The following ASNS variants were observed in gnomAD, a reference collection of about 807,000 sequenced individuals.
The protein encoded by ASNS is asparagine synthetase [glutamine-hydrolyzing].
ASNS carries 37 observed loss-of-function variants against 62.6 expected under a neutral mutation model. That is an observed-to-expected ratio of 0.59 (90% CI 0.45 to 0.78). The LOEUF is 0.78. Among genes scored for constraint, ASNS ranks in the 30% least tolerant of loss-of-function variants. The pLI, the probability that ASNS is intolerant of heterozygous loss-of-function variation, is 0.00. For synonymous variants in ASNS, 207 were observed against 237.9 expected (o/e 0.87, Z 1.19); for missense variants, 520 against 682.4 (o/e 0.76, Z 2.65).
chr7:97,876,021 TAA>T (rs1792431057), upstream of ASNS, among the ~76,000 whole-genome samples: 1 of 152,104 alleles, frequency 6.6e-6, no homozygotes, highest in South Asian at 2.1e-4. Flanking sequence ...CACGCCTGGC[TAA>T]GTTTTGTATT....
At chr7:97,857,813 G>T (rs1791527459) in intron 7 of ASNS, among the ~76,000 whole-genome samples, 1 of 151,588 alleles carries the variant, frequency 6.6e-6, no homozygotes, top group African/African-American at 2.4e-5. Context: ...TTGAGACAAG[G>T]TCTCACTCTG....
At chr7:97,920,188 G>A in the ASNS span, among the ~76,000 whole-genome samples, 1 of 152,082 alleles carries the variant, frequency 6.6e-6, no homozygotes, top group Non-Finnish European at 1.5e-5. Context: ...ATTTTTAGTA[G>A]AGACAGGTTT....
intron 1 of ASNS, among the ~76,000 whole-genome samples, chr7:97,871,491 T>C (rs1324762047): frequency 1.7e-5 from 2 of 120,644 alleles, no homozygotes; most frequent in Non-Finnish European, 3.5e-5. Context: ...CTATGAATCA[T>C]GATTTAAAAT....
In ASNS at chr7:97,851,857, T is replaced by C. The variant is rs1364178367; in HGVS notation, c.*402A>G. The C allele has an allele frequency of 1.5e-5, 3 of 198,124 alleles. No individual in the cohort carries two copies. The highest frequency in any genetic ancestry group is 2.6e-4 in the East Asian group (2 of 7,704). 12.3% of individuals were successfully genotyped at this position (198,124 alleles called of 1,614,324 possible). A position where few individuals can be genotyped will look rare whatever the true frequency, so the allele number is the denominator to read the frequency against. On this transcript the variant is annotated 3_prime_UTR_variant, in exon 13 of 13. Coordinates refer to ENST00000394308, the MANE Select transcript of ASNS (RefSeq NM_001673.5). ...TAGAAGATTCAAGTCTGAGTCTGCC[T>C]AGGCAGCTGTTAGGAATGTAGGCAG...
the ASNS span, among the ~76,000 whole-genome samples, chr7:97,920,157 C>T: frequency 6.6e-6 from 1 of 152,100 alleles, no homozygotes; most frequent in Admixed American, 6.5e-5. Context: ...ATAGGTGTCA[C>T]CATGGCCGGC....
the ASNS span, among the ~76,000 whole-genome samples, chr7:97,901,822 A>G: frequency 0.88 from 134,212 of 151,944 alleles, 59,346 homozygotes; most frequent in Middle Eastern, 0.93. Flanking sequence ...TACTAAAAAT[A>G]CAAAAATTAG....
chr7:97,878,665 C>A, the ASNS span, among the ~76,000 whole-genome samples: 1 of 152,164 alleles, frequency 6.6e-6, no homozygotes, highest in Non-Finnish European at 1.5e-5. Flanking sequence ...AATGGAAGAA[C>A]ATTCCATGCT....
chr7:97,868,849 C>T (rs867055166), intron 3 of ASNS, 59 bp downstream of exon 3: 4 of 1,593,730 alleles, frequency 2.5e-6, no homozygotes, highest in South Asian at 1.1e-5. Flanking sequence ...GTAACATCAT[C>T]GTAACCAACA....
At chr7:97,880,081 C>G in the ASNS span, among the ~76,000 whole-genome samples, 1 of 151,730 alleles carries the variant, frequency 6.6e-6, no homozygotes, top group Non-Finnish European at 1.5e-5. Context: ...GCCAGGACAT[C>G]GTGAGCTTTC....
intron 12 of ASNS, 51 bp from the exon 13 acceptor site, chr7:97,852,519 C>T (rs1584456056): frequency 1.9e-6 from 3 of 1,545,696 alleles, no homozygotes; most frequent in Non-Finnish European, 2.7e-6. Flanking sequence ...GCAGGAAATA[C>T]TTGTGTTTAG....
chr7:97,911,772 G>A, the ASNS span, among the ~76,000 whole-genome samples: 2 of 152,100 alleles, frequency 1.3e-5, no homozygotes, highest in African/African-American at 4.8e-5. Context: ...GGAATAAGGA[G>A]GGAGGGAAGC....
chr7:97,859,218 AAG>A lies in ASNS; in HGVS notation c.666_667del (p.Phe223SerfsTer4), dbSNP rs750420071. The A allele has an allele frequency of 1.9e-6, 3 of 1,601,110 alleles. No homozygotes were observed. In the East Asian group the frequency reaches 6.7e-5, roughly 36 times the overall value. ...GGTGGGTGGGTGTCTGCTACCTGGAAAGAGTTTCTCCACATTGTCATAGAGGG... is the reference window on the plus strand; with the variant it reads ...GGTGGGTGGGTGTCTGCTACCTGGAAAGTTTCTCCACATTGTCATAGAGGG... On this transcript the variant is annotated frameshift_variant, in exon 5 of 13. Transcript: ENST00000394308. LOFTEE classifies it high-confidence loss of function.
In ASNS at chr7:97,852,439, G is replaced by C. The variant is rs764468161; in HGVS notation, c.1506C>G (p.Ala502=). ...TAGGAGTATTGAAGGGAAATTTCTGGGCTGCATTTGCCATCATTGCATCAT... is the reference window on the plus strand; with the variant it reads ...TAGGAGTATTGAAGGGAAATTTCTGCGCTGCATTTGCCATCATTGCATCAT... The part of the protein sequence containing the change: ...QVDDAMMANA[A]QKFPFNTPKT... The change falls in exon 13 of 13, where the codon GCC becomes GCG. Residue 502 remains alanine (A), a synonymous_variant. Coordinates refer to ENST00000394308, the MANE Select transcript of ASNS (RefSeq NM_001673.5). 1.9e-6 allele frequency: 3 copies of C among 1,613,930 alleles called. No individual in the cohort carries two copies. Among genetic ancestry groups the C allele is most frequent in the Admixed American group, 1.7e-5 (1 of 59,978 alleles).
upstream of ASNS, among the ~76,000 whole-genome samples, chr7:97,875,763 G>C (rs1023552125): frequency 6.6e-6 from 1 of 152,114 alleles, no homozygotes; most frequent in African/African-American, 2.4e-5. Context: ...TACACAGAAG[G>C]CCTCATTTAA....
intron 4 of ASNS, among the ~76,000 whole-genome samples, chr7:97,861,972 T>C (rs1791743979): frequency 6.6e-6 from 1 of 152,228 alleles, no homozygotes; most frequent in Non-Finnish European, 1.5e-5. Context: ...ATTTTAAGTA[T>C]GTAGTATTCA....
intron 10 of ASNS, 80 bp from the exon 11 acceptor site, chr7:97,853,466 T>A: frequency 8.3e-7 from 1 of 1,200,078 alleles, no homozygotes; most frequent in Non-Finnish European, 1.2e-6. Context: ...CAGTTTCCCA[T>A]CAATTCAACC....
upstream of ASNS, among the ~76,000 whole-genome samples, chr7:97,876,963 C>A (rs980542385): frequency 6.6e-6 from 1 of 152,162 alleles, no homozygotes; most frequent in African/African-American, 2.4e-5. Flanking sequence ...AATTCTATCA[C>A]TTTCCTGAGC....
At chr7:97,853,614 T>C (rs139336560) in intron 10 of ASNS, among the ~76,000 whole-genome samples, 1 of 152,304 alleles carries the variant, frequency 6.6e-6, no homozygotes, top group Admixed American at 6.5e-5. Context: ...TAAAACTAAC[T>C]GAGACTATTA....
In ASNS at chr7:97,855,440, C is replaced by T; in HGVS notation, c.1050G>A (p.Lys350=). Residue 350 remains lysine, a synonymous_variant, in exon 9 of 13, where the codon AAG becomes AAA. Coordinates refer to ENST00000394308, the MANE Select transcript of ASNS (RefSeq NM_001673.5). ...RASVGMYLIS[K]YIRKNTDSVV... ...CGCTATCTGTGTTCTTCCGAATATACTTGGAAATTAAATACATACCTTAAA... is the reference window on the plus strand; with the variant it reads ...CGCTATCTGTGTTCTTCCGAATATATTTGGAAATTAAATACATACCTTAAA... 6.2e-7 allele frequency: 1 copy of T among 1,610,418 alleles called. No individual in the cohort carries two copies. The highest frequency in any genetic ancestry group is 8.5e-7 in the Non-Finnish European group (1 of 1,178,664).
Sources: gnomAD v4.1 joint callset for allele counts (sites outside exome capture counted in the v4.1 genomes callset) on GRCh38, gnomAD v4.1.1 for gene constraint, MANE v1.5 for transcripts, NCBI Gene and HGNC (gene_info 2026-07-23, HGNC 2026-07-21) for gene names.